Variants in CAST observed in about 807,000 individuals in gnomAD.
CAST encodes MIR583 host.
CAST carries 76 observed loss-of-function variants against 119.6 expected under a neutral mutation model. The observed-to-expected ratio is 0.64, with a 90% CI of 0.53 to 0.77. CAST has a LOEUF of 0.77. CAST is among the 30% of genes least tolerant of loss of function. CAST has a pLI of 0.00. For missense variants in CAST, 953 were observed against 946.5 expected, an observed-to-expected ratio of 1.01 and a Z score of -0.09; for synonymous variants, 319 against 331.6, an observed-to-expected ratio of 0.96 and a Z score of 0.41.
chr5:96,531,114 A>G (rs1745681748), intron 1 of CAST, among the ~76,000 whole-genome samples: 1 of 152,186 alleles, frequency 6.6e-6, no homozygotes, highest in African/African-American at 2.4e-5. Context: ...TTTTAAAGAC[A>G]AAAACCACAA....
At chr5:96,767,815 C>T (rs1053958046) in intron 28 of CAST, 92 bp from the exon 29 acceptor site, 1 of 744,912 alleles carries the variant, frequency 1.3e-6, no homozygotes, top group Non-Finnish European at 2.4e-6. Flanking sequence ...CTTATAGAAA[C>T]ATCTTTTATT....
At chr5:96,574,286 T>C (rs1436657807) in intron 1 of CAST, among the ~76,000 whole-genome samples, 1 of 4,912 alleles carries the variant, frequency 2.0e-4, no homozygotes, top group Non-Finnish European at 2.8e-4. Flanking sequence ...CTCGATCTCC[T>C]GACCTCATGA....
chr5:96,272,425 C>T, the CAST span, among the ~76,000 whole-genome samples: 1 of 152,046 alleles, frequency 6.6e-6, no homozygotes, highest in Non-Finnish European at 1.5e-5. Context: ...TATTATTTAA[C>T]CATAAAAAGA....
chr5:96,650,118 C>T (rs1341657163), intron 1 of CAST, among the ~76,000 whole-genome samples: 1 of 152,204 alleles, frequency 6.6e-6, no homozygotes, highest in Non-Finnish European at 1.5e-5. Context: ...CTGTGGTAGA[C>T]ACATACAATG....
chr5:96,404,627 C>A, the CAST span, among the ~76,000 whole-genome samples: 39 of 152,202 alleles, frequency 2.6e-4, no homozygotes, highest in Admixed American at 6.5e-4. Context: ...CTCAATCTTC[C>A]GAACCCTCCT....
At chr5:96,048,107 T>TGTTCTAAGTGCTTGGA in the CAST span, among the ~76,000 whole-genome samples, 1 of 152,208 alleles carries the variant, frequency 6.6e-6, no homozygotes, top group Non-Finnish European at 1.5e-5. Flanking sequence ...ATGCACTTAA[T>TGTTCTAAGTGCTTGGA]ATTGTTCTAA....
the CAST span, among the ~76,000 whole-genome samples, chr5:96,291,847 T>C: frequency 1.5e-5 from 2 of 132,692 alleles, no homozygotes; most frequent in Non-Finnish European, 3.1e-5. Flanking sequence ...AGTCTGCGTG[T>C]GTGTGTGTGT....
At chr5:96,452,956 CAA>C in the CAST span, among the ~76,000 whole-genome samples, 2 of 62,716 alleles carry the variant, frequency 3.2e-5, no homozygotes, top group African/African-American at 1.2e-4. Context: ...GACTCCGTCT[CAA>C]AAAAAAAAAA....
At chr5:96,199,457 G>T in the CAST span, among the ~76,000 whole-genome samples, 1 of 152,176 alleles carries the variant, frequency 6.6e-6, no homozygotes, top group South Asian at 2.1e-4. Context: ...GCTTAAATAT[G>T]ATTTCTCCCA....
the CAST span, among the ~76,000 whole-genome samples, chr5:96,443,714 C>T: frequency 6.6e-6 from 1 of 152,184 alleles, no homozygotes; most frequent in Non-Finnish European, 1.5e-5. Context: ...TGGGTCACAC[C>T]AGGTGATTCT....
intron 1 of CAST, among the ~76,000 whole-genome samples, chr5:96,582,276 G>A (rs991988524): frequency 6.6e-6 from 1 of 152,154 alleles, no homozygotes; most frequent in Admixed American, 6.5e-5. Flanking sequence ...TAGGTTTAAG[G>A]GGTAGAATAT....
the CAST span, among the ~76,000 whole-genome samples, chr5:96,153,491 A>T: frequency 3.3e-5 from 5 of 152,196 alleles, no homozygotes; most frequent in South Asian, 1.0e-3. Flanking sequence ...TGAAAAGGGG[A>T]GTGGAGCAGC....
At chr5:96,615,665 G>A (rs893165638) in intron 1 of CAST, among the ~76,000 whole-genome samples, 1 of 152,136 alleles carries the variant, frequency 6.6e-6, no homozygotes, top group Admixed American at 6.5e-5. Context: ...TAGGGAATCA[G>A]GAGATTATCA....
At chr5:96,535,767 G>T (rs1745800099) in intron 1 of CAST, among the ~76,000 whole-genome samples, 1 of 150,900 alleles carries the variant, frequency 6.6e-6, no homozygotes, top group Non-Finnish European at 1.5e-5. Flanking sequence ...TAGAGACGGG[G>T]TTTCACCGTG....
the CAST span, among the ~76,000 whole-genome samples, chr5:96,431,701 T>C: frequency 2.0e-5 from 3 of 152,124 alleles, no homozygotes; most frequent in Admixed American, 1.3e-4. Context: ...ATGAAGCCTC[T>C]AGCAAGAGCA....
At chr5:96,464,225 A>G in the CAST span, among the ~76,000 whole-genome samples, 1 of 152,208 alleles carries the variant, frequency 6.6e-6, no homozygotes, top group Admixed American at 6.6e-5. Context: ...GAAACATGCT[A>G]TCTAGCTTTT....
chr5:96,153,680 T>C, the CAST span, among the ~76,000 whole-genome samples: 2 of 152,334 alleles, frequency 1.3e-5, no homozygotes, highest in Admixed American at 6.5e-5. Flanking sequence ...ATACTGATTA[T>C]TGTACACAAA....
chr5:96,193,714 T>C, the CAST span, among the ~76,000 whole-genome samples: 1 of 152,296 alleles, frequency 6.6e-6, no homozygotes, highest in South Asian at 2.1e-4. Context: ...GATCTGGTTG[T>C]TGGAATTCAG....
the CAST span, among the ~76,000 whole-genome samples, chr5:96,113,101 A>G: frequency 1.7e-4 from 26 of 152,288 alleles, no homozygotes; most frequent in Admixed American, 7.8e-4. Context: ...GTTTTGTTTC[A>G]AAGTATTGAT....
Sources: allele counts gnomAD v4.1 joint callset (sites outside exome capture counted in the v4.1 genomes callset), GRCh38; gene constraint gnomAD v4.1.1; transcripts MANE v1.5; gene names NCBI Gene and HGNC (gene_info 2026-07-23, HGNC 2026-07-21).